LRGUK: variants seen among roughly 807,000 people sequenced by gnomAD.
LRGUK encodes the protein leucine-rich repeat and guanylate kinase domain-containing protein.
LRGUK carries 65 observed loss-of-function variants against 76.0 expected under a neutral mutation model. The observed-to-expected ratio is 0.85, with a 90% CI of 0.70 to 1.05. The LOEUF is 1.05. Ranked by LOEUF, LRGUK falls within the 50% of genes least tolerant of loss-of-function variation. The pLI is 0.00. For synonymous variants in LRGUK, 268 were observed against 265.6 expected (o/e 1.01, Z -0.09); for missense variants, 758 against 732.8 (o/e 1.03, Z -0.40).
chr7:134,143,137 A>G, exon 4 of LRGUK: 2 of 1,608,114 alleles, frequency 1.2e-6, no homozygotes, highest in Non-Finnish European at 1.7e-6. Context: ...ACGTTCTTCA[A>G]TTTCAAGCCA....
In LRGUK at chr7:134,263,419, C is replaced by CTGTGTGTGTGTGTGTGTGTGTGTGTG. The variant is rs60637538; in HGVS notation, c.2348-420_2348-419insTGTGTGTGTGTGTGTGTGTGTGTGTG. ...TTCACTTCACTGTGTGTGTGTGTGT[C>CTGTGTGTGTGTGTGTGTGTGTGTGTG]TGTGTGCATGTGTATGATTGTGAAA... On this transcript the variant is annotated intron_variant, in intron 19 of 19. Transcript: ENST00000285928. Among the ~76,000 whole-genome samples, 646 of 149,584 alleles carry CTGTGTGTGTGTGTGTGTGTGTGTGTG rather than the reference C, an allele frequency of 4.3e-3. 13 individuals carry two copies. Among genetic ancestry groups the CTGTGTGTGTGTGTGTGTGTGTGTGTG allele is most frequent in the South Asian group, 0.015 (70 of 4,658 alleles).
At chr7:134,157,873 G>T (rs1798552074) in intron 5 of LRGUK, among the ~76,000 whole-genome samples, 162 bp from the exon 6 acceptor site, 1 of 152,138 alleles carries the variant, frequency 6.6e-6, no homozygotes, top group Admixed American at 6.5e-5. Flanking sequence ...TGTTCTGTAT[G>T]AAAAAATATA....
chr7:134,139,255 C>CT (rs202108072), intron 2 of LRGUK, among the ~76,000 whole-genome samples, 181 bp from the exon 3 acceptor site: 17 of 151,002 alleles, frequency 1.1e-4, no homozygotes, highest in South Asian at 2.1e-4. Flanking sequence ...AAAGGAAGGG[C>CT]TTTTTTTTTA....
chr7:134,239,676 C>T (rs1802093253), intron 16 of LRGUK, among the ~76,000 whole-genome samples: 2 of 152,366 alleles, frequency 1.3e-5, no homozygotes, highest in South Asian at 2.1e-4. Context: ...TTAAACGTCC[C>T]TGTCTGACAG....
the LRGUK span, among the ~76,000 whole-genome samples, chr7:134,276,018 C>T: frequency 1.3e-5 from 2 of 152,174 alleles, no homozygotes; most frequent in East Asian, 3.9e-4. Context: ...AGTATCAAGA[C>T]TCATGGTGAC....
At chr7:134,153,166 A>C (rs1798301350) in intron 5 of LRGUK, among the ~76,000 whole-genome samples, 1 of 152,086 alleles carries the variant, frequency 6.6e-6, no homozygotes, top group Non-Finnish European at 1.5e-5. Flanking sequence ...AAAAATTTAA[A>C]AACCTGAAAA....
At chr7:134,155,651 T>C (rs1341599348) in intron 5 of LRGUK, among the ~76,000 whole-genome samples, 1 of 152,228 alleles carries the variant, frequency 6.6e-6, no homozygotes, top group East Asian at 1.9e-4. Flanking sequence ...CCTCATGTAA[T>C]ATAATTTGGT....
chr7:134,142,681 G>C (rs1018156599), intron 3 of LRGUK, among the ~76,000 whole-genome samples: 1 of 152,176 alleles, frequency 6.6e-6, no homozygotes, highest in African/African-American at 2.4e-5. Flanking sequence ...TAATTATCAA[G>C]AGGATTATCT....
At chr7:134,154,643 A>G (rs1399538843) in intron 5 of LRGUK, among the ~76,000 whole-genome samples, 1 of 152,232 alleles carries the variant, frequency 6.6e-6, no homozygotes, top group Non-Finnish European at 1.5e-5. Context: ...TGGAATGAGC[A>G]TATTTCTCAA....
At chr7:134,175,660 C>T (rs1022754507) in intron 8 of LRGUK, among the ~76,000 whole-genome samples, 25 of 152,250 alleles carry the variant, frequency 1.6e-4, no homozygotes, top group Admixed American at 5.2e-4. Flanking sequence ...ATTGGACTGG[C>T]GCAAAAGTAA....
At chr7:134,153,897 T>A (rs758595959) in intron 5 of LRGUK, among the ~76,000 whole-genome samples, 6 of 152,174 alleles carry the variant, frequency 3.9e-5, no homozygotes, top group Non-Finnish European at 5.9e-5. Context: ...TCAGTAACTG[T>A]TTGCTATACA....
intron 18 of LRGUK, among the ~76,000 whole-genome samples, chr7:134,253,917 AT>A (rs1158919546): frequency 1.3e-5 from 2 of 152,190 alleles, no homozygotes; most frequent in Non-Finnish European, 2.9e-5. Flanking sequence ...TCCAAATCAA[AT>A]TTAAAAGAAA....
chr7:134,180,015 AT>A (rs1799670976), intron 10 of LRGUK, among the ~76,000 whole-genome samples: 1 of 152,208 alleles, frequency 6.6e-6, no homozygotes, highest in Admixed American at 6.5e-5. Flanking sequence ...AGGATACAGT[AT>A]TAAAATGACA....
At chr7:134,231,533 T>C (rs1219720244) in intron 16 of LRGUK, among the ~76,000 whole-genome samples, 1 of 146,760 alleles carries the variant, frequency 6.8e-6, no homozygotes, top group Non-Finnish European at 1.5e-5. Context: ...CCTTCCTTCC[T>C]CCCTTCCTCC....
At chr7:134,276,374 G>T in the LRGUK span, among the ~76,000 whole-genome samples, 1 of 152,284 alleles carries the variant, frequency 6.6e-6, no homozygotes, top group East Asian at 1.9e-4. Flanking sequence ...TCCTGGTTCA[G>T]CCCTTTGCTA....
At chr7:134,224,802 C>T (rs1470696125) in intron 16 of LRGUK, among the ~76,000 whole-genome samples, 1 of 152,142 alleles carries the variant, frequency 6.6e-6, no homozygotes, top group Admixed American at 6.5e-5. Flanking sequence ...CCTGTAATCC[C>T]AGCACTTTGG....
chr7:134,197,888 CTG>C (rs1800572474), intron 13 of LRGUK, among the ~76,000 whole-genome samples: 1 of 151,958 alleles, frequency 6.6e-6, no homozygotes. Flanking sequence ...GATCCTTTAA[CTG>C]AGCAGTATGA....
intron 16 of LRGUK, among the ~76,000 whole-genome samples, chr7:134,235,902 C>A (rs1802002446): frequency 6.6e-6 from 1 of 152,096 alleles, no homozygotes; most frequent in Non-Finnish European, 1.5e-5. Flanking sequence ...ATTAAGTGCT[C>A]AGTAAGTGTC....
chr7:134,210,880 C>CA (rs1801238929), downstream of LRGUK, among the ~76,000 whole-genome samples: 1 of 152,214 alleles, frequency 6.6e-6, no homozygotes, highest in Non-Finnish European at 1.5e-5. Context: ...AAAGCCCCGC[C>CA]ACTCCCCAGA....
Sources: gnomAD v4.1 joint callset for allele counts (sites outside exome capture counted in the v4.1 genomes callset) on GRCh38, gnomAD v4.1.1 for gene constraint, MANE v1.5 for transcripts, NCBI Gene and HGNC (gene_info 2026-07-23, HGNC 2026-07-21) for gene names.